Variants in KDM4C observed in about 807,000 individuals in gnomAD.
KDM4C encodes the protein lysine-specific demethylase 4C.
Under a neutral mutation model 129.3 loss-of-function variants are expected in KDM4C, and 81 were observed. The ratio of observed to expected loss-of-function variants is 0.63; its 90% CI spans 0.52 to 0.75. KDM4C has a LOEUF of 0.75. Among genes scored for constraint, KDM4C ranks in the 30% least tolerant of loss-of-function variants. The pLI, the probability that KDM4C is intolerant of heterozygous loss-of-function variation, is 0.00. For missense variants in KDM4C, 1,457 were observed against 1,304.0 expected (o/e 1.12, Z -1.81); for synonymous variants, 573 against 456.1 (o/e 1.26, Z -3.26).
intron 18 of KDM4C, among the ~76,000 whole-genome samples, chr9:7,105,054 C>G (rs1837524846): frequency 6.6e-6 from 1 of 152,024 alleles, no homozygotes; most frequent in Non-Finnish European, 1.5e-5. Flanking sequence ...TTCATTCATG[C>G]CTTTTCCATA....
At chr9:7,093,317 T>C (rs549822531) in intron 17 of KDM4C, among the ~76,000 whole-genome samples, 2 of 152,300 alleles carry the variant, frequency 1.3e-5, no homozygotes, top group South Asian at 4.1e-4. Context: ...ATACGACGAA[T>C]AAAATAGCTC....
At chr9:6,731,229 AAAAC>A (rs1817322273) in intron 1 of KDM4C, among the ~76,000 whole-genome samples, 1 of 152,148 alleles carries the variant, frequency 6.6e-6, no homozygotes, top group Admixed American at 6.6e-5. Flanking sequence ...TTACAGGAGA[AAAAC>A]AAAACGTGGT....
chr9:6,875,023 T>C (rs561340025), intron 5 of KDM4C, among the ~76,000 whole-genome samples: 1 of 152,088 alleles, frequency 6.6e-6, no homozygotes, highest in African/African-American at 2.4e-5. Context: ...GAGGATGCAG[T>C]TGCTGGTCCT....
chr9:6,894,339 G>A (rs1198174132), intron 8 of KDM4C, among the ~76,000 whole-genome samples: 1 of 152,202 alleles, frequency 6.6e-6, no homozygotes, highest in South Asian at 2.1e-4. Context: ...TTTATGCTGA[G>A]TAATTCAGAA....
At chr9:7,148,321 C>T (rs1009736683) in intron 19 of KDM4C, among the ~76,000 whole-genome samples, 4 of 152,154 alleles carry the variant, frequency 2.6e-5, no homozygotes, top group East Asian at 1.9e-4. Context: ...GCCCACAGTG[C>T]GGTGAGCCGG....
chr9:6,848,574 C>T (rs1838275643), intron 4 of KDM4C, among the ~76,000 whole-genome samples: 1 of 151,954 alleles, frequency 6.6e-6, no homozygotes, highest in South Asian at 2.1e-4. Context: ...AAGGCTGAGG[C>T]ATAAGAATTG....
At chr9:6,799,637 C>G (rs1053829555) in intron 2 of KDM4C, among the ~76,000 whole-genome samples, 48 of 131,784 alleles carry the variant, frequency 3.6e-4, no homozygotes, top group Non-Finnish European at 5.7e-4. Context: ...GCTCTTTTTT[C>G]TTTTCTTTTT....
rs564815189 is a variant in KDM4C at position 6,969,258 on chromosome 9, A to C, written c.922-11667A>C. Among the ~76,000 whole-genome samples the C allele has an allele frequency of 4.6e-5, 7 of 152,238 alleles. No individual in the cohort carries two copies. The South Asian group carries it at 1.4e-3, about 32-fold the overall frequency. ...GCCTGGGTTGTTAATTACTATTTTG[A>C]TATTTATTTCTTAATGCTATAGAGC... On this transcript the variant is annotated intron_variant, in intron 8 of 21. Transcript: ENST00000381309.
intron 4 of KDM4C, among the ~76,000 whole-genome samples, chr9:6,842,317 T>C (rs188790668): frequency 5.9e-5 from 8 of 135,606 alleles, no homozygotes; most frequent in Admixed American, 3.0e-4. Flanking sequence ...CATTTCTTTT[T>C]TTTTTTTTTT....
At chr9:6,954,516 A>G (rs1828731817) in intron 8 of KDM4C, among the ~76,000 whole-genome samples, 1 of 152,164 alleles carries the variant, frequency 6.6e-6, no homozygotes, top group Non-Finnish European at 1.5e-5. Context: ...TTGTCTGTTC[A>G]CGATGTGTTA....
chr9:7,052,898 A>C (rs866884248), intron 17 of KDM4C, among the ~76,000 whole-genome samples: 3,244 of 47,562 alleles, frequency 0.068, 251 homozygotes, highest in African/African-American at 0.12. Context: ...AGAGAGAGAG[A>C]GAGCGAGCGA....
intron 19 of KDM4C, among the ~76,000 whole-genome samples, chr9:7,163,808 A>G (rs1445773964): frequency 4.6e-5 from 7 of 152,202 alleles, no homozygotes; most frequent in Non-Finnish European, 8.8e-5. Flanking sequence ...ATGAGGGCCA[A>G]GGATAGACTT....
At chr9:7,040,615 G>A (rs1828430554) in intron 15 of KDM4C, among the ~76,000 whole-genome samples, 1 of 151,872 alleles carries the variant, frequency 6.6e-6, no homozygotes, top group African/African-American at 2.4e-5. Context: ...CACACTGAGA[G>A]TGTTTCTATT....
chr9:6,847,708 T>C (rs1838107078), intron 4 of KDM4C, among the ~76,000 whole-genome samples: 3 of 152,190 alleles, frequency 2.0e-5, no homozygotes, highest in Admixed American at 6.5e-5. Flanking sequence ...TCTAAACGGA[T>C]ACTTTGACCA....
chr9:6,802,816 A>AGGAT (rs1829259672), intron 2 of KDM4C, among the ~76,000 whole-genome samples: 1 of 152,224 alleles, frequency 6.6e-6, no homozygotes, highest in Non-Finnish European at 1.5e-5. Flanking sequence ...CATGTTGGCC[A>AGGAT]AGCTGATCTT....
rs575884835 is a variant in KDM4C, at chr9:6,812,965, C to T, written c.321-1666C>T. On this transcript the variant is annotated intron_variant, in intron 3 of 21. Transcript: ENST00000381309. ...CCGATGCAGGCGGATCACCTGAGGT[C>T]GGGAGTTCGAGACCAGCCTGACCAA... Among the ~76,000 whole-genome samples the T allele has an allele frequency of 5.3e-5, 8 of 152,252 alleles. No individual in the cohort carries two copies. In the South Asian group the frequency reaches 1.2e-3, roughly 24 times the overall value.
chr9:6,916,747 G>A (rs1479463621), intron 8 of KDM4C, among the ~76,000 whole-genome samples: 1 of 152,160 alleles, frequency 6.6e-6, no homozygotes, highest in African/African-American at 2.4e-5. Context: ...TTTAAGCATT[G>A]AATGTTGCAT....
chr9:6,876,054 C>G (rs1291873956), intron 5 of KDM4C, among the ~76,000 whole-genome samples: 3 of 152,114 alleles, frequency 2.0e-5, no homozygotes, highest in South Asian at 4.2e-4. Context: ...TTTGGATATT[C>G]CGATGGGTTG....
chr9:6,799,383 C>T (rs181428201), intron 2 of KDM4C, among the ~76,000 whole-genome samples: 101 of 152,290 alleles, frequency 6.6e-4, no homozygotes, highest in Non-Finnish European at 1.2e-3. Context: ...GCCAACACAG[C>T]GAAACCCCGT....
Sources: gnomAD v4.1 joint callset for allele counts (sites outside exome capture counted in the v4.1 genomes callset) on GRCh38, gnomAD v4.1.1 for gene constraint, MANE v1.5 for transcripts, NCBI Gene and HGNC (gene_info 2026-07-23, HGNC 2026-07-21) for gene names.